CPEB1: variants seen among roughly 807,000 people sequenced by gnomAD.
CPEB1 encodes the protein cytoplasmic polyadenylation element binding protein 1.
CPEB1 carries 7 observed loss-of-function variants against 65.8 expected under a neutral mutation model. That is an observed-to-expected ratio of 0.11 (90% CI 0.06 to 0.20). CPEB1 has a LOEUF of 0.20. CPEB1 is among the 10% of genes least tolerant of loss of function. CPEB1 has a pLI of 1.00. For synonymous variants in CPEB1, 262 were observed against 260.0 expected (o/e 1.01, Z -0.08); for missense variants, 551 against 712.2 (o/e 0.77, Z 2.58).
chr15:82,607,109 T>C (rs1363566698), intron 3 of CPEB1, among the ~76,000 whole-genome samples: 2 of 151,870 alleles, frequency 1.3e-5, no homozygotes, highest in Non-Finnish European at 2.9e-5. Flanking sequence ...AATGGAAGAA[T>C]AGGGGGAAAA....
intron 3 of CPEB1, among the ~76,000 whole-genome samples, chr15:82,613,491 G>C (rs1307726228): frequency 1.3e-5 from 2 of 151,922 alleles, no homozygotes; most frequent in African/African-American, 4.8e-5. Flanking sequence ...GAGCTCAAGC[G>C]ATCCTCCCAC....
chr15:82,575,585 A>G (rs1278781391), intron 3 of CPEB1, among the ~76,000 whole-genome samples: 1 of 152,208 alleles, frequency 6.6e-6, no homozygotes, highest in East Asian at 1.9e-4. Context: ...CAGTAAAAGA[A>G]ATCTTAACTG....
At chr15:82,631,591 T>C (rs904490306) in intron 1 of CPEB1, among the ~76,000 whole-genome samples, 21 of 152,146 alleles carry the variant, frequency 1.4e-4, no homozygotes, top group African/African-American at 5.1e-4. Flanking sequence ...AACCAACGAA[T>C]ACTGTCTATC....
chr15:82,553,059 A>C (rs12324877), intron 8 of CPEB1, among the ~76,000 whole-genome samples: 11,404 of 152,300 alleles, frequency 0.075, 647 homozygotes, highest in African/African-American at 0.15. Context: ...GTGAGGAATC[A>C]GATGCTTGGT....
chr15:82,607,405 T>G (rs1055152233), intron 3 of CPEB1, among the ~76,000 whole-genome samples: 1 of 152,106 alleles, frequency 6.6e-6, no homozygotes, highest in Non-Finnish European at 1.5e-5. Flanking sequence ...CTGGCCAACA[T>G]GGTGAAACCC....
chr15:82,554,080 C>A (rs555728770), intron 6 of CPEB1, 89 bp from the exon 7 acceptor site: 9 of 710,934 alleles, frequency 1.3e-5, no homozygotes, highest in Admixed American at 2.9e-5. Flanking sequence ...CCAGTAAGAA[C>A]CTGACTGGCC....
chr15:82,601,190 G>C (rs2043091363), intron 3 of CPEB1, among the ~76,000 whole-genome samples: 1 of 150,624 alleles, frequency 6.6e-6, no homozygotes. Flanking sequence ...TTACAGGCAT[G>C]AGTCACCGTG....
intron 12 of CPEB1, 75 bp from the exon 13 acceptor site, chr15:82,544,777 T>G: frequency 8.9e-7 from 1 of 1,127,664 alleles, no homozygotes; most frequent in Non-Finnish European, 1.3e-6. Flanking sequence ...CACGAGCTGC[T>G]TGTTCTGTTT....
chr15:82,615,418 A>G lies in CPEB1; in HGVS notation c.271+11775T>C, dbSNP rs193066553. On this transcript the variant is annotated intron_variant, in intron 3 of 12. Transcript: ENST00000684509. ...AATAATTTTTTCTAGGAAGACAGTC[A>G]ATTTAGTTGTCAACTATGTAGCAGA... Among the ~76,000 whole-genome samples, 222 of 152,318 alleles carry G rather than the reference A, an allele frequency of 1.5e-3. 1 individual carries two copies. Among genetic ancestry groups the G allele is most frequent in the African/African-American group, 5.1e-3 (213 of 41,576 alleles).
At chr15:82,582,858 C>T (rs975962276) in intron 3 of CPEB1, among the ~76,000 whole-genome samples, 4 of 151,148 alleles carry the variant, frequency 2.6e-5, no homozygotes, top group African/African-American at 4.9e-5. Flanking sequence ...TCTCCTGCCT[C>T]AGCCTCCCTG....
At chr15:82,646,520 G>A (rs1362909225) in intron 1 of CPEB1, among the ~76,000 whole-genome samples, 1 of 152,122 alleles carries the variant, frequency 6.6e-6, no homozygotes, top group East Asian at 1.9e-4. Flanking sequence ...CGGCTTCTAA[G>A]AGCGAATTCG....
At chr15:82,628,324 C>T (rs1396946272) in intron 2 of CPEB1, 40 bp downstream of exon 2, 1 of 702,332 alleles carries the variant, frequency 1.4e-6, no homozygotes, top group Non-Finnish European at 2.6e-6. Flanking sequence ...GTGAAGATTT[C>T]CAAGACATGG....
chr15:82,641,132 G>A (rs1223789061), intron 1 of CPEB1, among the ~76,000 whole-genome samples: 2 of 152,126 alleles, frequency 1.3e-5, no homozygotes, highest in African/African-American at 2.4e-5. Flanking sequence ...AAAAGAGGAT[G>A]TCAGAGATTA....
At chr15:82,613,450 C>T (rs1339738258) in intron 3 of CPEB1, among the ~76,000 whole-genome samples, 2 of 151,684 alleles carry the variant, frequency 1.3e-5, no homozygotes, top group African/African-American at 4.8e-5. Flanking sequence ...TGCAGCGGCA[C>T]GATCTTGGCT....
At chr15:82,640,977 G>A (rs1427098414) in intron 1 of CPEB1, 2 of 151,840 alleles carry the variant, frequency 1.3e-5, no homozygotes, top group African/African-American at 4.8e-5. Context: ...GACCAACACA[G>A]CAGAGGTAAG....
rs767194125 is a variant in CPEB1 at position 82,571,381 on chromosome 15, C to T, written c.423G>A (p.Gln141=). Residue 141 remains glutamine, a synonymous_variant, in exon 4 of 13, where the codon CAG becomes CAA. Coordinates refer to ENST00000684509, the MANE Select transcript of CPEB1 (RefSeq NM_001365242.1). ...LTGWDRPWST[Q]DSDSSAQSST... ...TGCTCTGGGCTGAGGAATCTGAGTC[C>T]TGGGTGCTCCAGGGTCGGTCCCAGC... is the stretch of plus-strand genomic sequence containing the variant. The T allele has an allele frequency of 6.2e-7, 1 of 1,614,138 alleles. No individual in the cohort carries two copies. The highest frequency in any genetic ancestry group is 1.3e-5 in the African/African-American group (1 of 75,040).
rs2040006279 is a variant in CPEB1 at position 82,571,404 on chromosome 15, A to G, written c.400T>C (p.Trp134Arg). ...TCCTGGGTGCTCCAGGGTCGGTCCC[A>G]GCCTGTCAGACTGAGGGACTGCAGG... is the stretch of plus-strand genomic sequence containing the variant. ...LGLQSLSLTGWDRPWSTQDSD... is the reference protein window; with the variant it reads ...LGLQSLSLTGRDRPWSTQDSD... The change falls in exon 4 of 13, where the codon TGG (tryptophan) becomes CGG (arginine). Residue 134 changes from tryptophan to arginine, a missense_variant. Physicochemically the swap from Trp to Arg is moderately radical, Grantham distance 101. This residue lies in a region of CPEB1 where 223 missense variants were observed against 228.6 expected (regional missense o/e 0.98). Coordinates refer to ENST00000684509, the MANE Select transcript of CPEB1 (RefSeq NM_001365242.1). 4.3e-6 allele frequency: 7 copies of G among 1,614,146 alleles called. No homozygotes were observed. Among genetic ancestry groups the G allele is most frequent in the Non-Finnish European group, 5.9e-6 (7 of 1,180,016 alleles).
intron 3 of CPEB1, among the ~76,000 whole-genome samples, chr15:82,623,250 T>C (rs191710313): frequency 1.4e-4 from 21 of 152,342 alleles, no homozygotes; most frequent in African/African-American, 5.1e-4. Context: ...ATCACAGCAC[T>C]TTTCCAATGA....
intron 4 of CPEB1, among the ~76,000 whole-genome samples, chr15:82,570,389 C>G (rs570521943): frequency 1.3e-5 from 2 of 151,126 alleles, no homozygotes; most frequent in Admixed American, 6.6e-5. Context: ...CCCTCCCCCC[C>G]GCCCCTTACC....
Sources: gnomAD v4.1 joint callset for allele counts (sites outside exome capture counted in the v4.1 genomes callset) on GRCh38, gnomAD v4.1.1 for gene constraint, gnomAD v4.1.1 regional missense constraint, MANE v1.5 for transcripts, NCBI Gene and HGNC (gene_info 2026-07-23, HGNC 2026-07-21) for gene names.